Variants in TRIM37 observed in about 807,000 individuals in gnomAD.
TRIM37 encodes tripartite motif containing 37.
In TRIM37, 80 loss-of-function variants were observed where a neutral mutation model predicts 129.8. That is an observed-to-expected ratio of 0.62 (90% CI 0.51 to 0.74). The LOEUF (loss-of-function observed/expected upper bound fraction) is 0.74. Among genes scored for constraint, TRIM37 ranks in the 30% least tolerant of loss-of-function variants. The pLI, the probability that TRIM37 is intolerant of heterozygous loss-of-function variation, is 0.00. For missense variants in TRIM37, 1,054 were observed against 1,176.5 expected, an observed-to-expected ratio of 0.90 and a Z score of 1.52; for synonymous variants, 389 against 387.1, an observed-to-expected ratio of 1.00 and a Z score of -0.06.
chr17:59,062,593 G>A lies in TRIM37; in HGVS notation c.916C>T (p.Leu306Phe). 2 of 1,614,010 alleles carry A rather than the reference G, an allele frequency of 1.2e-6. No individual in the cohort carries two copies. Among genetic ancestry groups the A allele is most frequent in the Non-Finnish European group, 1.7e-6 (2 of 1,179,936 alleles). ...VYSPPLQVSG[L>F]CWRLKVYPDG... Reference sequence around the variant, plus strand: ...GGGTAAACTTTTAACCTCCAGCAAAGTCCTGAAACTTGAAGAGGTGGACTG... The same window carrying A: ...GGGTAAACTTTTAACCTCCAGCAAAATCCTGAAACTTGAAGAGGTGGACTG... Residue 306 changes from leucine (L) to phenylalanine (F), a missense_variant, in exon 11 of 24, where the codon CTT (leucine) becomes TTT (phenylalanine). Transcript: ENST00000262294.
downstream of TRIM37, among the ~76,000 whole-genome samples, chr17:58,996,766 C>CA (rs764978723): frequency 0.013 from 1,158 of 88,370 alleles, 7 homozygotes; most frequent in African/African-American, 0.019. Flanking sequence ...GAGACTCCAT[C>CA]AAAAAAAAAA....
intron 1 of TRIM37, among the ~76,000 whole-genome samples, chr17:59,106,098 C>A (rs914116942): frequency 3.3e-5 from 5 of 152,170 alleles, no homozygotes; most frequent in African/African-American, 1.2e-4. Context: ...CAAGAACTCG[C>A]AAGGACTGGT....
chr17:58,976,659 G>A, the TRIM37 span, among the ~76,000 whole-genome samples: 479 of 152,292 alleles, frequency 3.1e-3, 2 homozygotes, highest in African/African-American at 0.011. Flanking sequence ...CCATTTCTAC[G>A]ATGAAATGGA....
At chr17:58,993,125 T>C (rs181585014) in intron 24 of TRIM37, among the ~76,000 whole-genome samples, 33 of 152,314 alleles carry the variant, frequency 2.2e-4, no homozygotes, top group African/African-American at 7.9e-4. Flanking sequence ...GATGGTTTTA[T>C]AAGGGGGAGT....
intron 6 of TRIM37, 123 bp downstream of exon 6, chr17:59,080,961 ACTATAGGTACAGC>A: frequency 2.6e-6 from 1 of 386,982 alleles, no homozygotes; most frequent in Non-Finnish European, 3.8e-6. Flanking sequence ...ATGGAATTTG[ACTATAGGTACAGC>A]CTATCAAATT....
Position 59,017,334 on chromosome 17 carries a change from T to C in TRIM37, c.2348A>G (p.Asn783Ser). The C allele has an allele frequency of 3.7e-6, 6 of 1,614,144 alleles. No individual in the cohort carries two copies. The highest frequency in any genetic ancestry group is 1.3e-5 in the African/African-American group (1 of 75,034). ...CTGACAGTCTCCCTTTGAACGACTA[T>C]TTTCTCCAGGGTCCACTGCTCTTCG... ...SLRRAVDPGE[N>S]SRSKGDCQTL... Residue 783 changes from asparagine to serine, a missense_variant, in exon 20 of 24, where the codon AAT (asparagine) becomes AGT (serine). Coordinates refer to ENST00000262294, the MANE Select transcript of TRIM37 (RefSeq NM_015294.6).
At chr17:58,983,877 G>A (rs3809724) in intron 24 of TRIM37, 24,388 of 152,488 alleles carry the variant, frequency 0.16, 2,356 homozygotes, top group Non-Finnish European at 0.21. Context: ...ACAAACTTCA[G>A]GTCACCAACT....
In TRIM37 at chr17:59,032,082, G is replaced by A; in HGVS notation, c.1762C>T (p.His588Tyr). 1.2e-6 allele frequency: 2 copies of A among 1,613,704 alleles called. No homozygotes were observed. The highest frequency in any genetic ancestry group is 1.1e-5 in the South Asian group (1 of 91,058). ...CTACTACTGGAACCCACATAACCATGGCTACTACCTGCAAAAGAGGCGTAG... is the reference window on the plus strand; with the variant it reads ...CTACTACTGGAACCCACATAACCATAGCTACTACCTGCAAAAGAGGCGTAG... ...AAAAGPAGSS[H>Y]GYVGSSSRIS... The change falls in exon 18 of 24, where the codon CAT (histidine) becomes TAT (tyrosine). Residue 588 changes from histidine to tyrosine, a missense_variant. By Grantham distance (83) the His-to-Tyr change is moderately conservative. Around this residue, in one of 3 missense-constraint regions of TRIM37, gnomAD observed 752 missense variants for 870.8 expected, o/e 0.86. Coordinates refer to ENST00000262294, the MANE Select transcript of TRIM37 (RefSeq NM_015294.6).
chr17:59,098,062 A>G (rs1256370837), intron 2 of TRIM37, among the ~76,000 whole-genome samples: 1 of 152,228 alleles, frequency 6.6e-6, no homozygotes, highest in African/African-American at 2.4e-5. Flanking sequence ...TACAGTAATC[A>G]AAACAGTGTG....
intron 13 of TRIM37, among the ~76,000 whole-genome samples, chr17:59,052,372 T>C (rs1395654453): frequency 1.3e-5 from 2 of 152,170 alleles, no homozygotes; most frequent in African/African-American, 4.8e-5. Context: ...GACATCTACA[T>C]CTCTCTCATT....
chr17:59,092,429 T>A (rs139648947), intron 2 of TRIM37, among the ~76,000 whole-genome samples: 4 of 151,328 alleles, frequency 2.6e-5, no homozygotes, highest in Admixed American at 2.6e-4. Flanking sequence ...AACGGTTTCA[T>A]AGTTCAGTAA....
chr17:59,069,064 C>T lies in TRIM37; in HGVS notation c.809+1759G>A, dbSNP rs187775148. ...ATGATATACTCTAGTACAATGAATG[C>T]GGCCAGGCATGGTGGCTCACACCTA... On this transcript the variant is annotated intron_variant, in intron 9 of 23. Transcript: ENST00000262294. Among the ~76,000 whole-genome samples, 505 of 152,120 alleles carry T rather than the reference C, an allele frequency of 3.3e-3. 1 individual carries two copies. Among genetic ancestry groups the T allele is most frequent in the Non-Finnish European group, 4.8e-3 (328 of 67,950 alleles).
At chr17:59,054,404 C>T (rs559703889) in intron 13 of TRIM37, among the ~76,000 whole-genome samples, 9 of 152,048 alleles carry the variant, frequency 5.9e-5, no homozygotes, top group South Asian at 2.1e-4. Flanking sequence ...CGGACTCAAG[C>T]GATTCAACTG....
intron 18 of TRIM37, 149 bp from the exon 19 acceptor site, chr17:59,028,872 GAAAAT>G: frequency 1.3e-6 from 1 of 765,416 alleles, no homozygotes; most frequent in Admixed American, 2.4e-5. Context: ...TTCCATTAAT[GAAAAT>G]AAAGATAAAG....
chr17:59,095,033 T>C (rs987717353), intron 2 of TRIM37, among the ~76,000 whole-genome samples: 2 of 152,052 alleles, frequency 1.3e-5, no homozygotes, highest in Non-Finnish European at 2.9e-5. Flanking sequence ...CTGGGTCACA[T>C]AGCAAGATAC....
chr17:59,034,098 C>G (rs2038191379), intron 17 of TRIM37, among the ~76,000 whole-genome samples: 1 of 150,298 alleles, frequency 6.7e-6, no homozygotes, highest in Non-Finnish European at 1.5e-5. Context: ...CAGAGTGAGA[C>G]TCCATCTCAA....
At chr17:59,007,891 G>A (rs932166969) in intron 22 of TRIM37, among the ~76,000 whole-genome samples, 1 of 152,200 alleles carries the variant, frequency 6.6e-6, no homozygotes, top group African/African-American at 2.4e-5. Flanking sequence ...GAGAAAGAGA[G>A]AGAACCCCAC....
intron 8 of TRIM37, among the ~76,000 whole-genome samples, chr17:59,073,595 C>T (rs2042570133): frequency 6.6e-6 from 1 of 152,144 alleles, no homozygotes; most frequent in Non-Finnish European, 1.5e-5. Flanking sequence ...CGGCCTATTT[C>T]TTTACTTTTT....
chr17:59,011,823 T>C (rs976868233), intron 22 of TRIM37, among the ~76,000 whole-genome samples: 2 of 152,208 alleles, frequency 1.3e-5, no homozygotes, highest in African/African-American at 4.8e-5. Context: ...CTACAGACAC[T>C]AATTAAGACT....
Sources: gnomAD v4.1 joint callset for allele counts (sites outside exome capture counted in the v4.1 genomes callset) on GRCh38, gnomAD v4.1.1 for gene constraint, gnomAD v4.1.1 regional missense constraint, MANE v1.5 for transcripts, NCBI Gene and HGNC (gene_info 2026-07-23, HGNC 2026-07-21) for gene names.